The following ZNF804A variants were observed in gnomAD, a reference collection of about 807,000 sequenced individuals.
ZNF804A encodes the protein zinc finger protein 804A.
ZNF804A carries 2 observed loss-of-function variants against 16.5 expected under a neutral mutation model. That is an observed-to-expected ratio of 0.12 (90% CI 0.05 to 0.38). The LOEUF (loss-of-function observed/expected upper bound fraction) is 0.38. Ranked by LOEUF, ZNF804A falls within the 10% of genes least tolerant of loss-of-function variation. The pLI is 0.99. For synonymous variants in ZNF804A, 534 were observed against 489.6 expected (o/e 1.09, Z -1.20); for missense variants, 1,473 against 1,390.7 (o/e 1.06, Z -0.94).
chr2:184,710,667 T>C (rs905115583), intron 1 of ZNF804A, among the ~76,000 whole-genome samples: 2 of 151,726 alleles, frequency 1.3e-5, no homozygotes, highest in Admixed American at 1.3e-4. Flanking sequence ...GAACTCCTTA[T>C]TTTTTTCTCA....
intron 1 of ZNF804A, among the ~76,000 whole-genome samples, chr2:184,702,971 G>A (rs1043948733): frequency 2.0e-5 from 3 of 151,992 alleles, no homozygotes; most frequent in African/African-American, 7.3e-5. Context: ...TTGAATATCT[G>A]GGCTTTTAAT....
chr2:184,639,068 C>CTTTTT (rs34389839), intron 1 of ZNF804A, among the ~76,000 whole-genome samples: 23 of 107,400 alleles, frequency 2.1e-4, no homozygotes, highest in Non-Finnish European at 3.1e-4. Flanking sequence ...AAGCCCCCTC[C>CTTTTT]TTTTTTTTTT....
At chr2:184,791,312 T>A (rs1472750803) in intron 1 of ZNF804A, among the ~76,000 whole-genome samples, 1 of 152,164 alleles carries the variant, frequency 6.6e-6, no homozygotes, top group Non-Finnish European at 1.5e-5. Flanking sequence ...TATCAGCCTT[T>A]CATTTCCGTA....
At chr2:184,643,751 A>AAT (rs1365893362) in intron 1 of ZNF804A, among the ~76,000 whole-genome samples, 10 of 151,306 alleles carry the variant, frequency 6.6e-5, no homozygotes, top group South Asian at 4.2e-4. Context: ...GACATGTATA[A>AAT]ATATATATAT....
At chr2:184,637,693 T>TC (rs1691723340) in intron 1 of ZNF804A, among the ~76,000 whole-genome samples, 2 of 152,230 alleles carry the variant, frequency 1.3e-5, no homozygotes, top group South Asian at 4.1e-4. Flanking sequence ...AAATAGCTTT[T>TC]TAAGGTATTT....
intron 1 of ZNF804A, among the ~76,000 whole-genome samples, chr2:184,620,184 C>G (rs1356052806): frequency 1.3e-5 from 2 of 151,724 alleles, no homozygotes; most frequent in Non-Finnish European, 1.5e-5. Flanking sequence ...TTATTGAGCT[C>G]TAGCTTATAA....
At chr2:184,617,676 A>T (rs912705029) in intron 1 of ZNF804A, among the ~76,000 whole-genome samples, 1 of 151,622 alleles carries the variant, frequency 6.6e-6, no homozygotes, top group African/African-American at 2.4e-5. Context: ...ATGCCTTAGG[A>T]ATCAATTCTA....
At chr2:184,829,923 CAAAAACAAAAAAA>C (rs1695234148) in intron 1 of ZNF804A, among the ~76,000 whole-genome samples, 1 of 66,466 alleles carries the variant, frequency 1.5e-5, no homozygotes, top group African/African-American at 7.4e-5. Flanking sequence ...AAAAAAAAAA[CAAAAACAAAAAAA>C]AAAAAACCAC....
intron 1 of ZNF804A, among the ~76,000 whole-genome samples, chr2:184,663,647 C>T (rs940070451): frequency 2.6e-5 from 4 of 152,112 alleles, no homozygotes; most frequent in Non-Finnish European, 5.9e-5. Context: ...TGGGTTTAGT[C>T]CATGGCCCAG....
chr2:184,872,686 A>G (rs1695994822), intron 2 of ZNF804A, among the ~76,000 whole-genome samples: 1 of 152,172 alleles, frequency 6.6e-6, no homozygotes, highest in Non-Finnish European at 1.5e-5. Context: ...AATTTGCCCC[A>G]AAACTGACCT....
intron 1 of ZNF804A, among the ~76,000 whole-genome samples, chr2:184,780,287 C>T (rs778952464): frequency 3.3e-5 from 5 of 151,638 alleles, no homozygotes; most frequent in Non-Finnish European, 4.4e-5. Flanking sequence ...TGTAGAGTTA[C>T]GGAGAAGGGT....
At chr2:184,622,252 A>G (rs1429651330) in intron 1 of ZNF804A, among the ~76,000 whole-genome samples, 2 of 151,858 alleles carry the variant, frequency 1.3e-5, no homozygotes, top group South Asian at 2.1e-4. Context: ...CATTATTTGC[A>G]TCTTTATATT....
intron 1 of ZNF804A, among the ~76,000 whole-genome samples, chr2:184,671,566 C>T (rs887226588): frequency 5.9e-5 from 9 of 152,142 alleles, no homozygotes; most frequent in African/African-American, 1.9e-4. Flanking sequence ...GAGTGATTAA[C>T]GGCATTCCTC....
intron 1 of ZNF804A, among the ~76,000 whole-genome samples, chr2:184,644,184 C>A (rs1438552928): frequency 6.6e-6 from 1 of 151,102 alleles, no homozygotes; most frequent in Non-Finnish European, 1.5e-5. Context: ...GTTAGAGGTA[C>A]AAAGACAAGA....
At chr2:184,732,953 A>G (rs1174749570) in intron 1 of ZNF804A, among the ~76,000 whole-genome samples, 1 of 152,158 alleles carries the variant, frequency 6.6e-6, no homozygotes, top group Non-Finnish European at 1.5e-5. Context: ...TATTTTCTAC[A>G]TAGATGATCA....
In ZNF804A at chr2:184,636,399, A is replaced by G. The variant is rs376657020; in HGVS notation, c.111+37329A>G. Among the ~76,000 whole-genome samples the G allele has an allele frequency of 2.7e-5, 4 of 147,396 alleles. No individual in the cohort carries two copies. The East Asian group carries it at 7.9e-4, about 29-fold the overall frequency. ...CAACTAGGTGCTTGGGCTAGGACAAAGCATTGTGAGACTGGCTCTAGGGCT... is the reference window on the plus strand; with the variant it reads ...CAACTAGGTGCTTGGGCTAGGACAAGGCATTGTGAGACTGGCTCTAGGGCT... On this transcript the variant is annotated intron_variant, in intron 1 of 3. Coordinates refer to ENST00000302277, the MANE Select transcript of ZNF804A (RefSeq NM_194250.2).
chr2:184,749,347 G>A (rs1461884883), intron 1 of ZNF804A, among the ~76,000 whole-genome samples: 1 of 151,298 alleles, frequency 6.6e-6, no homozygotes, highest in African/African-American at 2.4e-5. Context: ...TATTTTAAAT[G>A]GGATTGTGTT....
intron 1 of ZNF804A, among the ~76,000 whole-genome samples, chr2:184,623,799 A>G (rs1337616740): frequency 6.6e-6 from 1 of 152,148 alleles, no homozygotes; most frequent in African/African-American, 2.4e-5. Flanking sequence ...CACATGCAAT[A>G]TATGGCAAAT....
At chr2:184,621,547 A>G (rs927346734) in intron 1 of ZNF804A, among the ~76,000 whole-genome samples, 2 of 151,654 alleles carry the variant, frequency 1.3e-5, no homozygotes, top group African/African-American at 4.8e-5. Context: ...ATTTATTTCT[A>G]TATTTCTGTA....
Sources: gnomAD v4.1 joint callset for allele counts (sites outside exome capture counted in the v4.1 genomes callset) on GRCh38, gnomAD v4.1.1 for gene constraint, MANE v1.5 for transcripts, NCBI Gene and HGNC (gene_info 2026-07-23, HGNC 2026-07-21) for gene names.